The following RASSF3 variants were observed in gnomAD, a reference collection of about 807,000 sequenced individuals.
RASSF3 encodes the protein ras association domain-containing protein 3.
A neutral mutation model predicts 19.9 loss-of-function variants in RASSF3; 19 were observed. The ratio of observed to expected loss-of-function variants is 0.96; its 90% confidence interval spans 0.67 to 1.40. RASSF3 has a LOEUF of 1.40. Ranked by LOEUF, RASSF3 falls within the 40% of genes most tolerant of loss-of-function variation. RASSF3 has a pLI of 0.00. For missense variants in RASSF3, 306 were observed against 289.8 expected, an observed-to-expected ratio of 1.06 and a Z score of -0.41; for synonymous variants, 110 against 104.2, an observed-to-expected ratio of 1.06 and a Z score of -0.34.
At chr12:64,664,209 G>A (rs995183043) in intron 1 of RASSF3, among the ~76,000 whole-genome samples, 9 of 152,140 alleles carry the variant, frequency 5.9e-5, no homozygotes, top group African/African-American at 1.9e-4. Flanking sequence ...TGCCTTTGGA[G>A]TGGTACTATG....
At chr12:64,539,278 T>G (rs942735753) in intron 1 of RASSF3, among the ~76,000 whole-genome samples, 3 of 152,066 alleles carry the variant, frequency 2.0e-5, no homozygotes, top group Admixed American at 1.3e-4. Context: ...TCTCTTACTC[T>G]TCTTATAAAG....
chr12:64,682,423 C>T (rs924204396), intron 1 of RASSF3, among the ~76,000 whole-genome samples: 10 of 151,970 alleles, frequency 6.6e-5, no homozygotes, highest in African/African-American at 2.2e-4. Context: ...TACAATTAGC[C>T]GGGCGTGGTG....
intron 1 of RASSF3, chr12:64,507,508 G>C: frequency 5.2e-6 from 2 of 382,662 alleles, no homozygotes; most frequent in Non-Finnish European, 9.2e-6. Context: ...ATAAAATTAA[G>C]CATTTTGAGG....
intron 4 of RASSF3, among the ~76,000 whole-genome samples, chr12:64,692,663 T>A (rs1267233101): frequency 6.6e-6 from 1 of 152,228 alleles, no homozygotes; most frequent in Non-Finnish European, 1.5e-5. Flanking sequence ...ACTCAGTGTT[T>A]TATTTTTCTT....
At chr12:64,585,601 CTTTT>C (rs35374871) in intron 2 of RASSF3, among the ~76,000 whole-genome samples, 9 of 96,260 alleles carry the variant, frequency 9.3e-5, no homozygotes, top group Admixed American at 1.2e-4. Context: ...TAGGCAAGTC[CTTTT>C]TTTTTTTTTT....
chr12:64,559,238 C>CTTTCTTTCTTTT (rs1565839002), intron 2 of RASSF3, among the ~76,000 whole-genome samples: 1 of 147,714 alleles, frequency 6.8e-6, no homozygotes, highest in African/African-American at 2.5e-5. Flanking sequence ...TTCTTTTCTT[C>CTTTCTTTCTTTT]TTTTTTTCTT....
chr12:64,691,175 C>T lies in RASSF3; in HGVS notation c.458-295C>T, dbSNP rs539481379. 2.0e-5 allele frequency among the ~76,000 whole-genome samples: 3 copies of T among 152,304 alleles called. No homozygotes were observed. In the East Asian group the frequency reaches 5.8e-4, roughly 29 times the overall value. On this transcript the variant is annotated intron_variant, in intron 3 of 4. Transcript: ENST00000542104. ...CCATGCCTGGCTCTTACCTTGTTTTCTAAAAGGAAGAGCAGAGCTAACTAT... is the reference window on the plus strand; with the variant it reads ...CCATGCCTGGCTCTTACCTTGTTTTTTAAAAGGAAGAGCAGAGCTAACTAT...
Position 64,508,972 on chromosome 12 carries a change from T to C in RASSF3, c.169+1643T>C, listed in dbSNP as rs375622999. ...TATAAAATATAAGGCCTAGGACATT[T>C]CAATCTTCCATTTTTTCTTTAATTT... On this transcript the variant is annotated intron_variant, in intron 1 of 5. Coordinates refer to the RASSF3 transcript ENST00000637125. Among the ~76,000 whole-genome samples the C allele has an allele frequency of 4.6e-5, 7 of 152,182 alleles. No homozygotes were observed. In the South Asian group the frequency reaches 1.2e-3, roughly 27 times the overall value.
chr12:64,655,252 T>G (rs1044759386), intron 1 of RASSF3, among the ~76,000 whole-genome samples: 1 of 152,250 alleles, frequency 6.6e-6, no homozygotes, highest in Non-Finnish European at 1.5e-5. Flanking sequence ...TGATATACTG[T>G]GTCTTCATTG....
chr12:64,570,282 T>G (rs1869497769), intron 2 of RASSF3, among the ~76,000 whole-genome samples: 1 of 152,240 alleles, frequency 6.6e-6, no homozygotes, highest in African/African-American at 2.4e-5. Flanking sequence ...TTATACAGAT[T>G]TCTTCTCTTG....
At chr12:64,550,694 G>A (rs1437249384) in intron 2 of RASSF3, among the ~76,000 whole-genome samples, 1 of 151,508 alleles carries the variant, frequency 6.6e-6, no homozygotes, top group East Asian at 1.9e-4. Context: ...AGTGGTGGTG[G>A]GTGCCTGTAA....
At chr12:64,550,238 T>C (rs1291150822) in intron 2 of RASSF3, among the ~76,000 whole-genome samples, 1 of 151,432 alleles carries the variant, frequency 6.6e-6, no homozygotes, top group African/African-American at 2.4e-5. Context: ...AAATTATTCT[T>C]CAATATATTT....
At chr12:64,620,205 G>T (rs1454207245) in intron 1 of RASSF3, among the ~76,000 whole-genome samples, 6 of 151,918 alleles carry the variant, frequency 3.9e-5, no homozygotes, top group Non-Finnish European at 5.9e-5. Context: ...TTGTTTTTTT[G>T]TAACTGGCTT....
intron 2 of RASSF3, among the ~76,000 whole-genome samples, chr12:64,576,528 T>C (rs1437498370): frequency 6.6e-6 from 1 of 152,260 alleles, no homozygotes; most frequent in East Asian, 1.9e-4. Context: ...ACAAAGGAAG[T>C]AACTGATACA....
chr12:64,670,788 G>T (rs1215123855), intron 1 of RASSF3, among the ~76,000 whole-genome samples: 1 of 152,122 alleles, frequency 6.6e-6, no homozygotes, highest in East Asian at 1.9e-4. Context: ...TATCAAAATG[G>T]CTAAGTCGTC....
chr12:64,568,715 C>CTT (rs35680868), intron 2 of RASSF3, among the ~76,000 whole-genome samples: 3,174 of 146,394 alleles, frequency 0.022, 82 homozygotes, highest in African/African-American at 0.065. Flanking sequence ...TCTGAGTTCA[C>CTT]TTTTTTTTTT....
intron 2 of RASSF3, among the ~76,000 whole-genome samples, chr12:64,560,759 G>T (rs985904745): frequency 3.9e-5 from 6 of 152,194 alleles, no homozygotes; most frequent in African/African-American, 1.2e-4. Flanking sequence ...GGATGTGCAG[G>T]AAACTCCTTA....
intron 1 of RASSF3, among the ~76,000 whole-genome samples, chr12:64,675,621 T>C (rs1334524158): frequency 6.6e-6 from 1 of 152,172 alleles, no homozygotes; most frequent in Admixed American, 6.5e-5. Context: ...CCCCCGCTGT[T>C]CTGCAAAGCT....
At chr12:64,589,220 C>T (rs1262398565) in intron 2 of RASSF3, among the ~76,000 whole-genome samples, 5 of 151,922 alleles carry the variant, frequency 3.3e-5, no homozygotes, top group African/African-American at 7.2e-5. Flanking sequence ...GAGGCTGAGG[C>T]GGGTAGATTA....
Sources: gnomAD v4.1 joint callset for allele counts (sites outside exome capture counted in the v4.1 genomes callset) on GRCh38, gnomAD v4.1.1 for gene constraint, MANE v1.5 for transcripts, NCBI Gene and HGNC (gene_info 2026-07-23, HGNC 2026-07-21) for gene names.